The following FXR1 variants were observed in gnomAD, a reference collection of about 807,000 sequenced individuals.
FXR1 encodes FMR1 autosomal homolog 1, also known as RNA-binding protein FXR1.
In FXR1, 15 loss-of-function variants were observed where a neutral mutation model predicts 84.0. The observed-to-expected ratio is 0.18, with a 90% CI of 0.12 to 0.27. The LOEUF (loss-of-function observed/expected upper bound fraction) is 0.27, where lower values mean the gene tolerates loss of function less well. Ranked by LOEUF, FXR1 falls within the 10% of genes least tolerant of loss-of-function variation. The pLI, the probability that FXR1 is intolerant of heterozygous loss-of-function variation, is 1.00. For missense variants in FXR1, 480 were observed against 774.4 expected (o/e 0.62, Z 4.51); for synonymous variants, 245 against 250.7 (o/e 0.98, Z 0.21).
intron 1 of FXR1, 43 bp downstream of exon 1, chr3:180,912,779 G>C (rs781040525): frequency 3.1e-6 from 5 of 1,613,936 alleles, no homozygotes; most frequent in Non-Finnish European, 2.5e-6. Flanking sequence ...CTGGGTGCTG[G>C]AGCGCGTTTG....
intron 7 of FXR1, 136 bp from the exon 8 acceptor site, chr3:180,951,162 G>A (rs1722199180): frequency 1.7e-6 from 1 of 591,082 alleles, no homozygotes; most frequent in Non-Finnish European, 3.0e-6. Flanking sequence ...GATTGAGTTG[G>A]CAGTGAGCCA....
At chr3:180,936,111 C>G (rs370581117) in intron 3 of FXR1, among the ~76,000 whole-genome samples, 125 of 151,016 alleles carry the variant, frequency 8.3e-4, no homozygotes, top group African/African-American at 2.9e-3. Flanking sequence ...AGGCTGTTCT[C>G]GAACTCCTGA....
chr3:180,972,157 C>G (rs1354347133), intron 15 of FXR1, among the ~76,000 whole-genome samples: 1 of 152,162 alleles, frequency 6.6e-6, no homozygotes, highest in Non-Finnish European at 1.5e-5. Flanking sequence ...TCCTCCCCTC[C>G]TTTAATGTTG....
At chr3:180,960,040 G>C (rs1711894129) in intron 10 of FXR1, among the ~76,000 whole-genome samples, 1 of 152,060 alleles carries the variant, frequency 6.6e-6, no homozygotes, top group South Asian at 2.1e-4. Context: ...AAACTGATTG[G>C]GGGAGTTAAG....
intron 13 of FXR1, among the ~76,000 whole-genome samples, chr3:180,965,151 G>T (rs2108487564): frequency 6.6e-6 from 1 of 151,920 alleles, no homozygotes; most frequent in African/African-American, 2.4e-5. Flanking sequence ...TGAGTAGCTG[G>T]GATTACAGGC....
chr3:180,970,912 A>G (rs1029363469), intron 15 of FXR1, among the ~76,000 whole-genome samples: 8 of 152,198 alleles, frequency 5.3e-5, no homozygotes, highest in African/African-American at 1.9e-4. Context: ...TGGAATGCTG[A>G]AAGCTACAAA....
At chr3:180,924,601 A>T (rs528514025) in intron 1 of FXR1, among the ~76,000 whole-genome samples, 61 of 152,304 alleles carry the variant, frequency 4.0e-4, no homozygotes, top group African/African-American at 1.3e-3. Context: ...GTTTAGAATC[A>T]ACAGAATAGA....
At chr3:180,960,816 T>C (rs1712004108) in intron 10 of FXR1, among the ~76,000 whole-genome samples, 1 of 152,232 alleles carries the variant, frequency 6.6e-6, no homozygotes, top group Admixed American at 6.5e-5. Context: ...AAAATTAAAT[T>C]AATTATAAAT....
intron 2 of FXR1, among the ~76,000 whole-genome samples, chr3:180,933,835 G>C (rs908933816): frequency 3.3e-5 from 5 of 152,144 alleles, no homozygotes; most frequent in African/African-American, 1.2e-4. Flanking sequence ...GCTGGGCTGC[G>C]TGCGGTGGCT....
chr3:180,976,297 A>G lies in FXR1; in HGVS notation c.*5A>G, dbSNP rs376366097. On this transcript the variant is annotated 3_prime_UTR_variant, in exon 17 of 17. Transcript: ENST00000357559. ...GTCCTGAATGGTGTTTCATAAACTGAAGAAGTTCCTAGTTTACAGTTCTTT... is the reference window on the plus strand; with the variant it reads ...GTCCTGAATGGTGTTTCATAAACTGGAGAAGTTCCTAGTTTACAGTTCTTT... The G allele has an allele frequency of 1.3e-6, 2 of 1,565,912 alleles. No homozygotes were observed. Among genetic ancestry groups the G allele is most frequent in the African/African-American group, 2.7e-5 (2 of 72,758 alleles).
At chr3:180,923,335 T>C (rs1051269127) in intron 1 of FXR1, among the ~76,000 whole-genome samples, 1 of 152,164 alleles carries the variant, frequency 6.6e-6, no homozygotes, top group African/African-American at 2.4e-5. Flanking sequence ...GGGAATACCA[T>C]ACAGAGATCT....
At chr3:180,913,901 A>G (rs1255472419) in intron 1 of FXR1, among the ~76,000 whole-genome samples, 2 of 152,086 alleles carry the variant, frequency 1.3e-5, no homozygotes, top group Non-Finnish European at 2.9e-5. Flanking sequence ...ATTTCAGCGT[A>G]CCTTTTATCC....
chr3:180,924,999 A>G (rs1340261056), intron 1 of FXR1, among the ~76,000 whole-genome samples: 1 of 152,194 alleles, frequency 6.6e-6, no homozygotes, highest in Non-Finnish European at 1.5e-5. Context: ...TCATATTCAG[A>G]TACCTGTGTT....
At chr3:180,940,733 C>A (rs1178434880) in intron 3 of FXR1, among the ~76,000 whole-genome samples, 1 of 152,222 alleles carries the variant, frequency 6.6e-6, no homozygotes, top group East Asian at 1.9e-4. Flanking sequence ...TGTGCCACCA[C>A]ACCCAGCTAA....
At chr3:180,929,278 A>G (rs918861961) in intron 1 of FXR1, among the ~76,000 whole-genome samples, 1 of 152,012 alleles carries the variant, frequency 6.6e-6, no homozygotes, top group East Asian at 1.9e-4. Flanking sequence ...GCATTTTAAG[A>G]TATTTTTTTT....
At chr3:180,913,239 T>G (rs1717457471) in intron 1 of FXR1, among the ~76,000 whole-genome samples, 1 of 152,056 alleles carries the variant, frequency 6.6e-6, no homozygotes, top group Admixed American at 6.5e-5. Context: ...TGTATTTGAG[T>G]TTTGGGCCAA....
In FXR1 at chr3:180,949,262, C is replaced by T. The variant is rs1227565101; in HGVS notation, c.549C>T (p.Ile183=). Residue 183 remains isoleucine, a synonymous_variant, in exon 7 of 17, where the codon ATC becomes ATT. Coordinates refer to ENST00000357559, the MANE Select transcript of FXR1 (RefSeq NM_005087.4). ...ASEATVKRVN[I]LSDMHLRSIR... ...AAGCAACTGTGAAGAGAGTAAACAT[C>T]TTAAGTGACATGCATTTGCGAAGTA... is the stretch of plus-strand genomic sequence containing the variant. 4.4e-6 allele frequency: 7 copies of T among 1,602,188 alleles called. No individual in the cohort carries two copies. The South Asian group carries it at 6.6e-5, about 15-fold the overall frequency.
At chr3:180,951,910 A>G (rs1317469941) in intron 8 of FXR1, among the ~76,000 whole-genome samples, 2 of 152,286 alleles carry the variant, frequency 1.3e-5, no homozygotes, top group East Asian at 3.9e-4. Context: ...TTATTTTTAA[A>G]ATGTTATTCA....
At chr3:180,956,901 C>G (rs760356209) in intron 9 of FXR1, among the ~76,000 whole-genome samples, 1 of 152,168 alleles carries the variant, frequency 6.6e-6, no homozygotes, top group Non-Finnish European at 1.5e-5. Context: ...TTAACTCTTT[C>G]AACCAAGGTT....
Sources: gnomAD v4.1 joint callset for allele counts (sites outside exome capture counted in the v4.1 genomes callset) on GRCh38, gnomAD v4.1.1 for gene constraint, MANE v1.5 for transcripts, NCBI Gene and HGNC (gene_info 2026-07-23, HGNC 2026-07-21) for gene names.